RPS6KA2: variants seen among roughly 807,000 people sequenced by gnomAD.
RPS6KA2 encodes ribosomal protein S6 kinase alpha-2.
In RPS6KA2, 42 loss-of-function variants were observed where a neutral mutation model predicts 91.8. The ratio of observed to expected loss-of-function variants is 0.46; its 90% confidence interval spans 0.36 to 0.59. RPS6KA2 has a LOEUF of 0.59. Among genes scored for constraint, RPS6KA2 ranks in the 20% least tolerant of loss-of-function variants. The pLI, the probability that RPS6KA2 is intolerant of heterozygous loss-of-function variation, is 0.00. For synonymous variants in RPS6KA2, 414 were observed against 393.6 expected (o/e 1.05, Z -0.61); for missense variants, 798 against 978.5 (o/e 0.82, Z 2.46).
intron 2 of RPS6KA2, among the ~76,000 whole-genome samples, chr6:166,708,509 A>C (rs1789754648): frequency 6.6e-6 from 1 of 152,250 alleles, no homozygotes; most frequent in South Asian, 2.1e-4. Flanking sequence ...TTAGGATGTT[A>C]AAAATAATTT....
chr6:166,649,362 C>A (rs532973730), intron 2 of RPS6KA2, among the ~76,000 whole-genome samples: 31 of 152,332 alleles, frequency 2.0e-4, no homozygotes, highest in Middle Eastern at 3.4e-3. Flanking sequence ...TCCTGTGAAA[C>A]CCTGAGCACT....
At chr6:166,515,521 T>G (rs948582287) in intron 3 of RPS6KA2, among the ~76,000 whole-genome samples, 1 of 152,218 alleles carries the variant, frequency 6.6e-6, no homozygotes, top group African/African-American at 2.4e-5. Flanking sequence ...ACTGCAGTTA[T>G]GCACCAGAGA....
rs569790370 is a variant in RPS6KA2, at chr6:166,679,928, C to A, written c.124-141144G>T. Among the ~76,000 whole-genome samples the A allele has an allele frequency of 4.7e-4, 72 of 152,322 alleles. No homozygotes were observed. In the South Asian group the frequency reaches 5.4e-3, roughly 11 times the overall value. On this transcript the variant is annotated intron_variant, in intron 2 of 21. Coordinates refer to the RPS6KA2 transcript ENST00000503859. ...CTGCAGGAGTACCTGGACTAGGTGC[C>A]GCAAAGTCCCTCGGCAGTGCCAGTG... is the stretch of plus-strand genomic sequence containing the variant.
chr6:166,663,934 C>T (rs765066552), intron 2 of RPS6KA2, among the ~76,000 whole-genome samples: 2 of 152,262 alleles, frequency 1.3e-5, no homozygotes, highest in Non-Finnish European at 2.9e-5. Flanking sequence ...TGGGACTCCA[C>T]AAACCACTTA....
chr6:166,585,243 C>T (rs1030273517), intron 1 of RPS6KA2, among the ~76,000 whole-genome samples: 4 of 152,186 alleles, frequency 2.6e-5, no homozygotes, highest in African/African-American at 9.6e-5. Flanking sequence ...GAAACGAAGC[C>T]GTCCTCGCTG....
At chr6:166,702,324 G>A (rs1789549362) in intron 2 of RPS6KA2, 3 of 1,613,498 alleles carry the variant, frequency 1.9e-6, no homozygotes, top group African/African-American at 2.7e-5. Context: ...CGGCGACCTC[G>A]GGGCTGCAGA....
At chr6:166,514,659 G>C (rs577273591) in intron 3 of RPS6KA2, among the ~76,000 whole-genome samples, 1 of 152,320 alleles carries the variant, frequency 6.6e-6, no homozygotes, top group East Asian at 1.9e-4. Flanking sequence ...AGGGCCTCTA[G>C]ATTTAAGAGG....
At chr6:166,531,050 G>C (rs1430225090) in intron 3 of RPS6KA2, among the ~76,000 whole-genome samples, 182 bp downstream of exon 3, 1 of 152,224 alleles carries the variant, frequency 6.6e-6, no homozygotes, top group Non-Finnish European at 1.5e-5. Context: ...AAACTCTGCA[G>C]GGATATTTTA....
intron 2 of RPS6KA2, among the ~76,000 whole-genome samples, chr6:166,806,907 T>G (rs1360708773): frequency 1.3e-5 from 2 of 152,208 alleles, no homozygotes; most frequent in African/African-American, 4.8e-5. Flanking sequence ...GCAAAATTGT[T>G]GTATGCTATT....
intron 2 of RPS6KA2, among the ~76,000 whole-genome samples, chr6:166,713,535 C>G (rs969906827): frequency 2.0e-5 from 3 of 152,130 alleles, no homozygotes; most frequent in African/African-American, 7.2e-5. Flanking sequence ...ATCTGGGTCA[C>G]AGCCCTGGGG....
chr6:166,583,978 C>T (rs1785097231), intron 1 of RPS6KA2, among the ~76,000 whole-genome samples: 1 of 152,244 alleles, frequency 6.6e-6, no homozygotes, highest in Non-Finnish European at 1.5e-5. Flanking sequence ...AAAGGCGCAT[C>T]TTAAAATGTA....
chr6:166,504,636 A>C, intron 5 of RPS6KA2, 24 bp from the exon 6 acceptor site: 2 of 1,517,428 alleles, frequency 1.3e-6, no homozygotes, highest in Non-Finnish European at 1.8e-6. Flanking sequence ...AACAAAAACA[A>C]AAACAAAAAA....
At chr6:166,640,146 A>C (rs1405735880) in intron 2 of RPS6KA2, among the ~76,000 whole-genome samples, 1 of 152,192 alleles carries the variant, frequency 6.6e-6, no homozygotes, top group East Asian at 1.9e-4. Flanking sequence ...AGAGGAATTC[A>C]AAAGGAAGGG....
At chr6:166,620,157 A>G (rs137939660) in intron 1 of RPS6KA2, among the ~76,000 whole-genome samples, 289 of 152,340 alleles carry the variant, frequency 1.9e-3, no homozygotes, top group African/African-American at 6.7e-3. Flanking sequence ...AAACTACAGC[A>G]TACGAATCAT....
intron 11 of RPS6KA2, among the ~76,000 whole-genome samples, chr6:166,467,194 ACTCACTCATTCATTCACTCC>A (rs1411304962): frequency 4.0e-5 from 6 of 149,384 alleles, no homozygotes; most frequent in South Asian, 2.1e-4. Flanking sequence ...TCATTCACTC[ACTCACTCATTCATTCACTCC>A]CTCACTCATT....
intron 2 of RPS6KA2, among the ~76,000 whole-genome samples, chr6:166,687,861 A>G (rs1789074015): frequency 6.6e-6 from 1 of 152,230 alleles, no homozygotes; most frequent in Non-Finnish European, 1.5e-5. Context: ...TGTGTGGTCC[A>G]AAGAATGCTT....
chr6:166,710,919 A>G (rs1464439645), intron 2 of RPS6KA2, among the ~76,000 whole-genome samples: 9 of 152,314 alleles, frequency 5.9e-5, no homozygotes, highest in Non-Finnish European at 1.2e-4. Context: ...GGACCAGGGA[A>G]GGGGGCAGAA....
chr6:166,700,418 GT>G (rs1479785837), intron 2 of RPS6KA2, among the ~76,000 whole-genome samples: 1 of 151,878 alleles, frequency 6.6e-6, no homozygotes, highest in Non-Finnish European at 1.5e-5. Flanking sequence ...CCTATTAGCT[GT>G]TGCTGTTAAA....
intron 2 of RPS6KA2, among the ~76,000 whole-genome samples, chr6:166,698,015 CT>C (rs1158529707): frequency 2.0e-5 from 3 of 151,874 alleles, no homozygotes; most frequent in African/African-American, 7.3e-5. Flanking sequence ...AGTTAAATCT[CT>C]TTACAAGGAT....
Sources: allele counts gnomAD v4.1 joint callset (sites outside exome capture counted in the v4.1 genomes callset), GRCh38; gene constraint gnomAD v4.1.1; transcripts MANE v1.5; gene names NCBI Gene and HGNC (gene_info 2026-07-23, HGNC 2026-07-21).